Variants in ITIH6 observed in about 807,000 individuals in gnomAD.
ITIH6 encodes the protein inter-alpha-trypsin inhibitor heavy chain H6.
In ITIH6, 60 loss-of-function variants were observed where a neutral mutation model predicts 58.2. That is an observed-to-expected ratio of 1.03 (90% CI 0.84 to 1.28). The LOEUF (loss-of-function observed/expected upper bound fraction) is 1.28. Ranked by LOEUF, ITIH6 falls within the 50% of genes most tolerant of loss-of-function variation. ITIH6 has a pLI of 0.00. For synonymous variants in ITIH6, 493 were observed against 417.4 expected (o/e 1.18, Z -2.21); for missense variants, 1,290 against 1,021.1 (o/e 1.26, Z -3.59).
Position 54,774,116 on chromosome X carries a change from C to T in ITIH6, c.868G>A (p.Val290Ile), listed in dbSNP as rs750083396. ...MEKNVVFVID[V>I]SSSMFGTKME... ...TTGGTACCAAACATGGAGCTGCTTA[C>T]GTCAATAACAAAAACCACATTCTTC... Residue 290 changes from valine (V) to isoleucine (I), a missense_variant, in exon 6 of 13, where the codon GTA (valine) becomes ATA (isoleucine). Physicochemically the swap from Val to Ile is conservative, Grantham distance 29. Coordinates refer to ENST00000218436, the MANE Select transcript of ITIH6 (RefSeq NM_198510.3). The T allele has an allele frequency of 1.1e-5, 13 of 1,182,787 alleles. No homozygotes were observed. Among genetic ancestry groups the T allele is most frequent in the East Asian group, 3.1e-5 (1 of 32,576 alleles).
chrX:54,772,983 C>T (rs1416735327), intron 6 of ITIH6, among the ~76,000 whole-genome samples: 4 of 111,463 alleles, frequency 3.6e-5, no homozygotes, highest in Admixed American at 1.9e-4. Flanking sequence ...GTTGCCCAGG[C>T]TGGTCTCAAA....
At chrX:54,751,404 T>G in intron 11 of ITIH6, 24 bp from the exon 12 acceptor site, 1 of 1,200,962 alleles carries the variant, frequency 8.3e-7, no homozygotes, top group Non-Finnish European at 1.1e-6. Flanking sequence ...AGTGTGGGCC[T>G]GGAGCGGGGG....
intron 5 of ITIH6, among the ~76,000 whole-genome samples, chrX:54,776,027 G>T: frequency 9.0e-6 from 1 of 111,548 alleles, no homozygotes; most frequent in Non-Finnish European, 1.9e-5. Flanking sequence ...GTGGTAGAAA[G>T]AACAGTCTTG....
At chrX:54,796,808 C>A in intron 2 of ITIH6, 134 bp downstream of exon 2, 5 of 588,286 alleles carry the variant, frequency 8.5e-6, no homozygotes, top group Non-Finnish European at 1.3e-5. Context: ...ACTGGCAGAG[C>A]CAGGATTCAG....
chrX:54,778,558 T>C (rs770966511), intron 5 of ITIH6, among the ~76,000 whole-genome samples: 1 of 111,756 alleles, frequency 8.9e-6, no homozygotes, highest in African/African-American at 3.3e-5. Flanking sequence ...AATTACAAGA[T>C]AGGCTATTTG....
chrX:54,796,502 G>A (rs1188500492), intron 2 of ITIH6, among the ~76,000 whole-genome samples: 1 of 109,860 alleles, frequency 9.1e-6, no homozygotes, highest in Non-Finnish European at 1.9e-5. Flanking sequence ...GGCTAACACG[G>A]TGAAACCCCG....
At chrX:54,793,214 A>G (rs1929379624) in intron 2 of ITIH6, among the ~76,000 whole-genome samples, 1 of 111,646 alleles carries the variant, frequency 9.0e-6, no homozygotes, top group African/African-American at 3.3e-5. Context: ...ATGGTGGCAC[A>G]TATACATCAT....
rs757827835 is a variant in ITIH6, at chrX:54,758,219, C to G, written c.1855G>C (p.Glu619Gln). ...GAGGTGGAAGTCTGTCTCCTGGTCT[C>G]CTCACTGGCCTGTTTGGGTTGCACC... ...VMVQPKQASE[E>Q]TRRQTSTSAG... The change falls in exon 8 of 13, where the codon GAG becomes CAG. Residue 619 changes from glutamate (E) to glutamine (Q), a missense_variant. Physicochemically the swap from Glu to Gln is conservative, Grantham distance 29 (BLOSUM62 2). Transcript: ENST00000218436. 77 of 1,209,355 alleles carry G rather than the reference C, an allele frequency of 6.4e-5. 1 individual carries two copies. The East Asian group carries it at 1.2e-3, about 20-fold the overall frequency.
chrX:54,751,180 G>A lies in ITIH6; in HGVS notation c.3553C>T (p.Pro1185Ser), dbSNP rs1472918828. Residue 1185 changes from proline (P) to serine (S), a missense_variant, in exon 12 of 13, where the codon CCC becomes TCC. Pro to Ser is a moderately conservative substitution (Grantham distance 74). Coordinates refer to ENST00000218436, the MANE Select transcript of ITIH6 (RefSeq NM_198510.3). ...SWDQPALLKR[P>S]QLELYVAAAA... ...GCAGCCACATAGAGCTCCAGCTGGG[G>A]CCTCTTCAGCAGGGCAGGTTGGTCC... 1 of 1,211,640 alleles carries A rather than the reference G, an allele frequency of 8.3e-7. No homozygotes were observed. The highest frequency in any genetic ancestry group is 1.1e-6 in the Non-Finnish European group (1 of 895,293).
chrX:54,756,321 G>A (rs1347662300), intron 8 of ITIH6, among the ~76,000 whole-genome samples: 1 of 111,367 alleles, frequency 9.0e-6, no homozygotes, highest in Non-Finnish European at 1.9e-5. Context: ...TCAACTCTCT[G>A]ACTAGCTGTG....
At position 54,759,849 on chromosome X, in the gene ITIH6, CTG is replaced by C. The variant is rs751140828; in HGVS notation, c.980_981del (p.Thr327SerfsTer2). ...GAGCCTCCAGCTTTCCAAACATTAA[CTG>C]TGTCAGAAAAGGAGATGATGTTGAA... ...DYFNIISFSDTVNVWKAGGSI... is the reference protein window; with the variant it reads ...DYFNIISFSDXVNVWKAGGSI... On this transcript the variant is annotated frameshift_variant, in exon 7 of 13. Coordinates refer to ENST00000218436, the MANE Select transcript of ITIH6 (RefSeq NM_198510.3). LOFTEE classifies it high-confidence loss of function. 2 of 1,210,122 alleles carry C rather than the reference CTG, an allele frequency of 1.7e-6. No homozygotes were observed. The highest frequency in any genetic ancestry group is 2.2e-6 in the Non-Finnish European group (2 of 894,015).
chrX:54,770,267 C>T (rs1055847638), intron 6 of ITIH6, among the ~76,000 whole-genome samples: 3 of 112,598 alleles, frequency 2.7e-5, no homozygotes, highest in Non-Finnish European at 3.8e-5. Context: ...CACTGGCCTG[C>T]GCCCACTGTC....
chrX:54,772,510 G>GA (rs1232554646), intron 6 of ITIH6, among the ~76,000 whole-genome samples: 1 of 111,727 alleles, frequency 9.0e-6, no homozygotes, highest in African/African-American at 3.2e-5. Context: ...ATAAAAGTTG[G>GA]AAAAAAAATT....
chrX:54,779,003 C>G (rs1392439881), intron 5 of ITIH6, among the ~76,000 whole-genome samples: 1 of 112,175 alleles, frequency 8.9e-6, no homozygotes, highest in Non-Finnish European at 1.9e-5. Context: ...AAGGAAAAAA[C>G]TACTTTTACC....
chrX:54,790,434 G>A (rs1486600850), intron 4 of ITIH6, among the ~76,000 whole-genome samples: 2 of 112,482 alleles, frequency 1.8e-5, no homozygotes, highest in Admixed American at 9.3e-5. Context: ...CAGGGAGCCT[G>A]CACTTGCTGT....
chrX:54,766,042 T>A (rs981619169), intron 6 of ITIH6, among the ~76,000 whole-genome samples: 1 of 111,131 alleles, frequency 9.0e-6, no homozygotes, highest in African/African-American at 3.3e-5. Flanking sequence ...TGTTCTTCCA[T>A]TTGTTTGTAT....
In ITIH6 at chrX:54,755,021, T is replaced by G; in HGVS notation, c.3198A>C (p.Ala1066=). Reference sequence around the variant, plus strand: ...TCAGGAGAGCTCCTTGCTCACCTTTTGCTAACCCCACAGAACTTCCTTGAG... The same window carrying G: ...TCAGGAGAGCTCCTTGCTCACCTTTGGCTAACCCCACAGAACTTCCTTGAG... ...MESQGSSVGL[A]KGTLPSIFTF... The change falls in exon 9 of 13, where the codon GCA becomes GCC. Residue 1066 remains alanine, a synonymous_variant. Transcript: ENST00000218436. 8.3e-7 allele frequency: 1 copy of G among 1,206,067 alleles called. No individual in the cohort carries two copies. The highest frequency in any genetic ancestry group is 1.1e-6 in the Non-Finnish European group (1 of 890,404).
chrX:54,765,664 T>A (rs2157482), intron 6 of ITIH6, among the ~76,000 whole-genome samples: 1 of 100,873 alleles, frequency 9.9e-6, no homozygotes, highest in African/African-American at 3.7e-5. Flanking sequence ...ACTGCAGTGG[T>A]GCAATCTCGG....
intron 6 of ITIH6, among the ~76,000 whole-genome samples, chrX:54,763,233 T>G (rs1259000788): frequency 3.6e-5 from 4 of 111,894 alleles, no homozygotes; most frequent in Non-Finnish European, 7.5e-5. Context: ...GATTAGAGTC[T>G]TTCCTGCCAT....
Sources: allele counts gnomAD v4.1 joint callset (sites outside exome capture counted in the v4.1 genomes callset), GRCh38; gene constraint gnomAD v4.1.1; transcripts MANE v1.5; gene names NCBI Gene and HGNC (gene_info 2026-07-23, HGNC 2026-07-21).